Variants in CFAP107 observed in about 807,000 individuals in gnomAD.
CFAP107 encodes cilia- and flagella-associated protein 107.
the CFAP107 span, chr1:12,759,536 A>C: frequency 1.9e-6 from 3 of 1,606,502 alleles, no homozygotes; most frequent in Non-Finnish European, 2.6e-6. Context: ...GTAAAGTTGC[A>C]CAGACCAACG....
At chr1:12,755,028 A>G in the CFAP107 span, among the ~76,000 whole-genome samples, 2 of 152,244 alleles carry the variant, frequency 1.3e-5, no homozygotes, top group Non-Finnish European at 2.9e-5. Flanking sequence ...ATATTTTACC[A>G]TATTAAACTT....
chr1:12,755,063 A>C, the CFAP107 span, among the ~76,000 whole-genome samples: 815 of 152,306 alleles, frequency 5.4e-3, 5 homozygotes, highest in South Asian at 0.014. Context: ...AGAGAACAAA[A>C]TGTAATTTGA....
chr1:12,761,004 C>T, the CFAP107 span: 5 of 1,496,646 alleles, frequency 3.3e-6, no homozygotes, highest in Admixed American at 2.0e-5. Context: ...ACCACAGCAT[C>T]ACTGGACTTG....
chr1:12,747,213 G>T, the CFAP107 span, among the ~76,000 whole-genome samples: 3 of 151,930 alleles, frequency 2.0e-5, no homozygotes, highest in Non-Finnish European at 4.4e-5. Flanking sequence ...GACTACAAGT[G>T]CATGCCACCA....
the CFAP107 span, among the ~76,000 whole-genome samples, chr1:12,759,099 A>G: frequency 6.6e-6 from 1 of 152,116 alleles, no homozygotes; most frequent in African/African-American, 2.4e-5. Flanking sequence ...CATACAGAGA[A>G]CTAACTGCAG....
chr1:12,747,426 G>A, the CFAP107 span, among the ~76,000 whole-genome samples: 1 of 152,116 alleles, frequency 6.6e-6, no homozygotes, highest in Non-Finnish European at 1.5e-5. Flanking sequence ...GTGTTTTAAA[G>A]GTCTTTGGAA....
chr1:12,746,256 T>C, the CFAP107 span: 6 of 508,784 alleles, frequency 1.2e-5, no homozygotes, highest in Admixed American at 6.4e-5. Context: ...GACAGTGAAC[T>C]CTTGGGGCCG....
At chr1:12,756,525 T>G in the CFAP107 span, among the ~76,000 whole-genome samples, 1 of 152,150 alleles carries the variant, frequency 6.6e-6, no homozygotes, top group Non-Finnish European at 1.5e-5. Flanking sequence ...GAGAGCAAGC[T>G]TGTAGGTGCT....
the CFAP107 span, chr1:12,759,364 C>T: frequency 9.3e-6 from 15 of 1,614,042 alleles, no homozygotes; most frequent in Admixed American, 6.7e-5. Context: ...ACATCGCTAC[C>T]TGATCAGCAC....
At chr1:12,757,493 T>C in the CFAP107 span, among the ~76,000 whole-genome samples, 1 of 151,994 alleles carries the variant, frequency 6.6e-6, no homozygotes, top group African/African-American at 2.4e-5. Flanking sequence ...ACAATTCTCC[T>C]TGCCTCAGCC....
chr1:12,748,006 G>T, the CFAP107 span, among the ~76,000 whole-genome samples: 2 of 152,276 alleles, frequency 1.3e-5, no homozygotes, highest in East Asian at 3.9e-4. Flanking sequence ...CAAATCAAAT[G>T]CCCAATCAAG....
chr1:12,747,716 C>G, the CFAP107 span, among the ~76,000 whole-genome samples: 1 of 152,214 alleles, frequency 6.6e-6, no homozygotes, highest in African/African-American at 2.4e-5. Flanking sequence ...TACAAATGTA[C>G]TTGGCCTTGT....
At chr1:12,758,795 G>T in the CFAP107 span, among the ~76,000 whole-genome samples, 2 of 152,166 alleles carry the variant, frequency 1.3e-5, no homozygotes, top group African/African-American at 2.4e-5. Context: ...CTAGTTTCCA[G>T]CTGAGCAAGC....
the CFAP107 span, among the ~76,000 whole-genome samples, chr1:12,755,104 A>T: frequency 1.3e-5 from 2 of 152,220 alleles, no homozygotes; most frequent in African/African-American, 4.8e-5. Flanking sequence ...AATGAGGAAC[A>T]AAGAAGAGAA....
chr1:12,759,186 C>A, the CFAP107 span: 1 of 1,099,844 alleles, frequency 9.1e-7, no homozygotes, highest in Non-Finnish European at 1.3e-6. Flanking sequence ...CTTTGCCAGC[C>A]CACGGATGCC....
the CFAP107 span, among the ~76,000 whole-genome samples, chr1:12,755,537 C>T: frequency 6.6e-6 from 1 of 152,204 alleles, no homozygotes; most frequent in South Asian, 2.1e-4. Flanking sequence ...ATGGCAGGCT[C>T]CCCGTCCCCG....
chr1:12,759,553 T>A, the CFAP107 span: 2 of 1,577,900 alleles, frequency 1.3e-6, no homozygotes, highest in Non-Finnish European at 1.7e-6. Flanking sequence ...AACGGAGCTG[T>A]ACCTGCCTCA....
At chr1:12,751,241 CT>C in the CFAP107 span, among the ~76,000 whole-genome samples, 1 of 151,816 alleles carries the variant, frequency 6.6e-6, no homozygotes, top group Non-Finnish European at 1.5e-5. Flanking sequence ...AAAGAACAAA[CT>C]AAATGCAAAG....
the CFAP107 span, among the ~76,000 whole-genome samples, chr1:12,756,915 T>A: frequency 6.6e-6 from 1 of 152,186 alleles, no homozygotes; most frequent in East Asian, 1.9e-4. Context: ...CCTATTTGCA[T>A]TCTGCATTTA....
Sources: allele counts gnomAD v4.1 joint callset (sites outside exome capture counted in the v4.1 genomes callset), GRCh38; gene constraint gnomAD v4.1.1; transcripts MANE v1.5; gene names NCBI Gene and HGNC (gene_info 2026-07-23, HGNC 2026-07-21).